COLQ: variants seen among roughly 807,000 people sequenced by gnomAD.
COLQ encodes the protein collagen like tail subunit of asymmetric acetylcholinesterase, also known as acetylcholinesterase collagenic tail peptide.
A neutral mutation model predicts 69.0 loss-of-function variants in COLQ; 48 were observed. That is an observed-to-expected ratio of 0.70 (90% CI 0.55 to 0.88). COLQ has a LOEUF of 0.88. COLQ is among the 40% of genes least tolerant of loss of function. The pLI is 0.00. For synonymous variants in COLQ, 217 were observed against 211.2 expected (o/e 1.03, Z -0.24); for missense variants, 618 against 594.6 (o/e 1.04, Z -0.41).
intron 1 of COLQ, among the ~76,000 whole-genome samples, chr3:15,516,946 A>G (rs1313628445): frequency 6.6e-6 from 1 of 152,210 alleles, no homozygotes; most frequent in Non-Finnish European, 1.5e-5. Flanking sequence ...GTTCGAGACC[A>G]GCCTGGCCAA....
intron 1 of COLQ, among the ~76,000 whole-genome samples, chr3:15,510,779 A>G (rs1471441593): frequency 2.2e-5 from 2 of 90,054 alleles, no homozygotes; most frequent in African/African-American, 4.3e-5. Context: ...AGGGGAGGGG[A>G]ATGGAGGGGA....
intron 3 of COLQ, among the ~76,000 whole-genome samples, chr3:15,482,359 C>T (rs988153701): frequency 1.3e-5 from 2 of 152,084 alleles, no homozygotes; most frequent in African/African-American, 2.4e-5. Flanking sequence ...TCATAAATAG[C>T]TCTTATTATT....
intron 16 of COLQ, among the ~76,000 whole-genome samples, chr3:15,452,358 T>C (rs1239072862): frequency 6.6e-6 from 1 of 152,224 alleles, no homozygotes; most frequent in Non-Finnish European, 1.5e-5. Flanking sequence ...TGAGTCACAG[T>C]GCCTGGCCTG....
intron 12 of COLQ, among the ~76,000 whole-genome samples, chr3:15,463,478 C>G (rs2062152987): frequency 6.6e-6 from 1 of 151,866 alleles, no homozygotes; most frequent in African/African-American, 2.4e-5. Context: ...TCCCATGTAG[C>G]TGGGACTACA....
rs777457693 is a variant in COLQ, at chr3:15,451,491, CTGAGT to C, written c.*148_*152del. The C allele has an allele frequency of 1.3e-6, 1 of 788,138 alleles. No homozygotes were observed. The highest frequency in any genetic ancestry group is 2.4e-5 in the East Asian group (1 of 40,946). The allele number at this position is 788,138 out of a possible 1,614,324, so 48.8% of individuals were successfully genotyped here. ...GTGGTCCTAAATTCTTCCAGTCAGA[CTGAGT>C]TAACAGCATGTCTTAGTAGCAGGAA... On this transcript the variant is annotated 3_prime_UTR_variant, in exon 17 of 17. Transcript: ENST00000383788.
At chr3:15,457,866 C>T (rs543447626) in intron 13 of COLQ, among the ~76,000 whole-genome samples, 4 of 152,300 alleles carry the variant, frequency 2.6e-5, no homozygotes, top group African/African-American at 9.6e-5. Context: ...ATCCACCCAC[C>T]TTGGCCTCCC....
chr3:15,517,007 T>TG, intron 1 of COLQ, among the ~76,000 whole-genome samples: 1 of 152,126 alleles, frequency 6.6e-6, no homozygotes, highest in Non-Finnish European at 1.5e-5. Flanking sequence ...TCAGGCTTGG[T>TG]GGCACGTGCC....
At chr3:15,454,278 G>T (rs868411190) in intron 15 of COLQ, among the ~76,000 whole-genome samples, 1 of 152,204 alleles carries the variant, frequency 6.6e-6, no homozygotes, top group Non-Finnish European at 1.5e-5. Flanking sequence ...TTGGAAGACT[G>T]CTGAGCCCCA....
At chr3:15,476,929 C>T (rs576340911) in intron 6 of COLQ, among the ~76,000 whole-genome samples, 197 bp downstream of exon 6, 8 of 152,358 alleles carry the variant, frequency 5.3e-5, no homozygotes, top group Admixed American at 5.2e-4. Flanking sequence ...AGGAACAGAG[C>T]TGTTGCACTG....
chr3:15,463,214 A>G (rs944960685), intron 12 of COLQ, among the ~76,000 whole-genome samples: 2 of 152,090 alleles, frequency 1.3e-5, no homozygotes, highest in Admixed American at 6.5e-5. Context: ...AGATAAACAC[A>G]GTGAGACCAT....
intron 10 of COLQ, among the ~76,000 whole-genome samples, chr3:15,471,093 C>T (rs2062279059): frequency 6.6e-6 from 1 of 152,210 alleles, no homozygotes; most frequent in Non-Finnish European, 1.5e-5. Flanking sequence ...GTTTTGCCAG[C>T]TGTCATCTTT....
intron 5 of COLQ, 115 bp from the exon 6 acceptor site, chr3:15,477,312 AT>A: frequency 3.4e-6 from 3 of 894,666 alleles, no homozygotes; most frequent in Non-Finnish European, 5.4e-6. Context: ...CATGGCTACT[AT>A]GACCCTCATC....
chr3:15,460,088 A>T (rs150203942), intron 12 of COLQ, among the ~76,000 whole-genome samples: 1 of 152,228 alleles, frequency 6.6e-6, no homozygotes, highest in Non-Finnish European at 1.5e-5. Flanking sequence ...ATACAATTTC[A>T]TGGTTTCCTA....
At chr3:15,479,997 TA>T (rs2062450695) in intron 3 of COLQ, among the ~76,000 whole-genome samples, 1 of 152,186 alleles carries the variant, frequency 6.6e-6, no homozygotes, top group Admixed American at 6.5e-5. Flanking sequence ...TCAGGGACCC[TA>T]CAACTCACTG....
rs774853684 is a variant in COLQ at position 15,477,151 on chromosome 3, C to T, written c.440G>A (p.Gly147Asp). Reference sequence around the variant, plus strand: ...CCTGGGTCCTTCAGGGCCTGGCCAACCGATGGGCCCAGGCATGCCAGGAAC... The same window carrying T: ...CCTGGGTCCTTCAGGGCCTGGCCAATCGATGGGCCCAGGCATGCCAGGAAC... ...PGVPGMPGPI[G>D]WPGPEGPRGE... Residue 147 changes from glycine to aspartate, a missense_variant, in exon 6 of 17, where the codon GGT (glycine) becomes GAT (aspartate). By Grantham distance (94) the Gly-to-Asp change is moderately conservative. Transcript: ENST00000383788. 7.5e-6 allele frequency: 12 copies of T among 1,605,754 alleles called. No homozygotes were observed. The highest frequency in any genetic ancestry group is 1.0e-5 in the Non-Finnish European group (12 of 1,176,688).
In COLQ at chr3:15,479,944, TAA is replaced by T. The variant is rs1271211477; in HGVS notation, c.322-564_322-563del. ...TTAAGACACTAAGAATGTTGGCAAG[TAA>T]AGAGTGCATTTTTGTGCCTTGGAGA... On this transcript the variant is annotated intron_variant, in intron 3 of 16. Coordinates refer to ENST00000383788, the MANE Select transcript of COLQ (RefSeq NM_005677.4). 9.2e-5 allele frequency among the ~76,000 whole-genome samples: 14 copies of T among 152,294 alleles called. No homozygotes were observed. The East Asian group carries it at 2.5e-3, about 27-fold the overall frequency.
At chr3:15,452,421 T>C (rs1468859296) in intron 16 of COLQ, among the ~76,000 whole-genome samples, 2 of 152,196 alleles carry the variant, frequency 1.3e-5, no homozygotes, top group Non-Finnish European at 2.9e-5. Context: ...AACAGCAGCC[T>C]GTGAATGGGG....
chr3:15,477,441 G>GT (rs2062399400), intron 5 of COLQ: 1 of 519,966 alleles, frequency 1.9e-6, no homozygotes, highest in Admixed American at 3.2e-5. Flanking sequence ...AAACTTCTTG[G>GT]TTTTTTAATT....
At chr3:15,455,853 C>G (rs1251522192) in intron 15 of COLQ, 46 bp downstream of exon 15, 2 of 1,612,818 alleles carry the variant, frequency 1.2e-6, no homozygotes, top group East Asian at 2.2e-5. Context: ...AGTCCCACCC[C>G]CCTGCTGTTC....
Sources: gnomAD v4.1 joint callset for allele counts (sites outside exome capture counted in the v4.1 genomes callset) on GRCh38, gnomAD v4.1.1 for gene constraint, MANE v1.5 for transcripts, NCBI Gene and HGNC (gene_info 2026-07-23, HGNC 2026-07-21) for gene names.